MYH11: variants seen among roughly 807,000 people sequenced by gnomAD.
The protein encoded by MYH11 is myosin-11.
Under a neutral mutation model 246.6 loss-of-function variants are expected in MYH11, and 80 were observed. That is an observed-to-expected ratio of 0.32 (90% CI 0.27 to 0.39). The LOEUF (loss-of-function observed/expected upper bound fraction) is 0.39, where lower values mean the gene tolerates loss of function less well. Among genes scored for constraint, MYH11 ranks in the 10% least tolerant of loss-of-function variants. The probability of loss-of-function intolerance (pLI) is 1.00; values close to 1 mark genes in which losing one functional copy is unlikely to be tolerated. For synonymous variants in MYH11, 1,071 were observed against 1,015.5 expected (o/e 1.05, Z -1.04); for missense variants, 2,158 against 2,546.8 (o/e 0.85, Z 3.29).
At position 15,737,594 on chromosome 16, in the gene MYH11, G is replaced by A. The variant is rs1270195304; in HGVS notation, c.3148C>T (p.Arg1050Ter). Residue 1050 changes from arginine to a stop codon, truncating the protein, a stop_gained, in exon 25 of 41, where the codon CGA (arginine) becomes TGA (stop). Coordinates refer to ENST00000300036, the MANE Select transcript of MYH11 (RefSeq NM_002474.3). LOFTEE classifies it high-confidence loss of function. ...EVRLKKEEKS[R>*]QELEKLKRKL... ...CGTTTCAGCTTCTCCAGCTCCTGTCGGCTCTTCTCTTCCTTCTTTAGCCGC... is the reference window on the plus strand; with the variant it reads ...CGTTTCAGCTTCTCCAGCTCCTGTCAGCTCTTCTCTTCCTTCTTTAGCCGC... 3.7e-6 allele frequency: 6 copies of A among 1,613,358 alleles called. No homozygotes were observed. Among genetic ancestry groups the A allele is most frequent in the South Asian group, 2.2e-5 (2 of 91,078 alleles).
intron 3 of MYH11, among the ~76,000 whole-genome samples, chr16:15,817,417 A>T (rs530202558): frequency 2.4e-4 from 37 of 152,206 alleles, no homozygotes; most frequent in African/African-American, 7.0e-4. Flanking sequence ...GCTTGAACCC[A>T]GGAGACAGAG....
chr16:15,709,989 C>G lies in MYH11; in HGVS notation c.5786+4920G>C, dbSNP rs567007666. ...ACTTGGTGAAACTCGCACTACAGTT[C>G]CTTCTTGGCTGAGGAGCCAGGCATG... is the stretch of plus-strand genomic sequence containing the variant. On this transcript the variant is annotated intron_variant, in intron 40 of 40. Coordinates refer to ENST00000300036, the MANE Select transcript of MYH11 (RefSeq NM_002474.3). 2.6e-5 allele frequency among the ~76,000 whole-genome samples: 4 copies of G among 152,280 alleles called. No homozygotes were observed. The East Asian group carries it at 7.7e-4, about 29-fold the overall frequency.
intron 10 of MYH11, 112 bp downstream of exon 10, chr16:15,763,684 G>A (rs2041916704): frequency 3.3e-6 from 3 of 915,176 alleles, no homozygotes; most frequent in Non-Finnish European, 5.5e-6. Context: ...TAGTCCAACT[G>A]TTGTTAAAAT....
chr16:15,837,513 G>T (rs12923604), intron 2 of MYH11, among the ~76,000 whole-genome samples: 6,213 of 149,142 alleles, frequency 0.042, 148 homozygotes, highest in African/African-American at 0.062. Flanking sequence ...AATCTCCCTC[G>T]ATCAAACCTT....
chr16:15,739,340 AT>A (rs760206027), intron 23 of MYH11, among the ~76,000 whole-genome samples: 46 of 152,236 alleles, frequency 3.0e-4, no homozygotes, highest in Admixed American at 1.3e-3. Context: ...ACCTCAGGTA[AT>A]CCACTTGCCT....
At chr16:15,811,665 CA>C (rs1372471399) in intron 3 of MYH11, among the ~76,000 whole-genome samples, 1 of 151,940 alleles carries the variant, frequency 6.6e-6, no homozygotes, top group African/African-American at 2.4e-5. Flanking sequence ...GAACCATCCC[CA>C]GGGGGCTGCC....
In MYH11 at chr16:15,741,749, C is replaced by T. The variant is rs1362165800; in HGVS notation, c.2652+11G>A. 1.2e-6 allele frequency: 2 copies of T among 1,614,164 alleles called. No individual in the cohort carries two copies. Among genetic ancestry groups the T allele is most frequent in the Non-Finnish European group, 1.7e-6 (2 of 1,180,042 alleles). ...TCCCCAGCAACCCCAGCCATGCATC[C>T]ATACAGGTACCTGCGAGTGCTTCTG... On this transcript the variant is annotated intron_variant, in intron 21 of 40. Coordinates refer to ENST00000300036, the MANE Select transcript of MYH11 (RefSeq NM_002474.3).
chr16:15,718,575 C>T (rs2040296436), intron 36 of MYH11, 137 bp from the exon 37 acceptor site: 1 of 1,312,014 alleles, frequency 7.6e-7, no homozygotes, highest in Admixed American at 2.4e-5. Flanking sequence ...GATTAGAAGA[C>T]TCATCTGTAG....
intron 16 of MYH11, chr16:15,749,841 A>C (rs1245451559): frequency 1.9e-6 from 1 of 519,488 alleles, no homozygotes; most frequent in Non-Finnish European, 3.4e-6. Context: ...TTTTTCTAAC[A>C]CTGCTCCCCA....
chr16:15,718,608 G>T, intron 36 of MYH11, 170 bp from the exon 37 acceptor site: 1 of 1,053,900 alleles, frequency 9.5e-7, no homozygotes, highest in Non-Finnish European at 1.3e-6. Context: ...GAAGTGGACA[G>T]CCGGGACTCA....
intron 35 of MYH11, 124 bp from the exon 36 acceptor site, chr16:15,719,432 G>C: frequency 6.8e-7 from 1 of 1,467,868 alleles, no homozygotes; most frequent in Non-Finnish European, 9.4e-7. Flanking sequence ...GGGAGGCCCC[G>C]TGAATACATA....
chr16:15,751,291 C>A (rs2041563685), intron 15 of MYH11, among the ~76,000 whole-genome samples: 1 of 152,044 alleles, frequency 6.6e-6, no homozygotes, highest in Admixed American at 6.6e-5. Flanking sequence ...CTCCCAGTAG[C>A]TGGGATTACA....
At position 15,751,461 on chromosome 16, in the gene MYH11, C is replaced by CCATCAT. The variant is rs377609666; in HGVS notation, c.1865-1136_1865-1131dup. On this transcript the variant is annotated intron_variant, in intron 15 of 40. Coordinates refer to ENST00000300036, the MANE Select transcript of MYH11 (RefSeq NM_002474.3). ...TACAGGCGTGAGCTACCGCGCCCGG[C>CCATCAT]CATCATCATCATCATCATCATCATC... Among the ~76,000 whole-genome samples the CCATCAT allele has an allele frequency of 2.1e-3, 321 of 150,330 alleles. 1 individual carries two copies. Among genetic ancestry groups the CCATCAT allele is most frequent in the African/African-American group, 6.0e-3 (245 of 40,940 alleles).
At chr16:15,856,382 G>GT in intron 1 of MYH11, among the ~76,000 whole-genome samples, 1 of 150,972 alleles carries the variant, frequency 6.6e-6, no homozygotes, top group African/African-American at 2.4e-5. Flanking sequence ...ATGCCCATGT[G>GT]TTTTTAACTG....
At chr16:15,760,948 AG>A (rs1262929535) in intron 10 of MYH11, among the ~76,000 whole-genome samples, 3 of 152,150 alleles carry the variant, frequency 2.0e-5, no homozygotes, top group Non-Finnish European at 4.4e-5. Context: ...CACACTTCCA[AG>A]TCATGTGACT....
chr16:15,758,867 G>C (rs1308265364), intron 12 of MYH11, among the ~76,000 whole-genome samples: 1 of 151,004 alleles, frequency 6.6e-6, no homozygotes, highest in Non-Finnish European at 1.5e-5. Flanking sequence ...AGGAGGCTGA[G>C]ACAAGAGAAT....
In MYH11 at chr16:15,838,257, C is replaced by A. The variant is rs367591238; in HGVS notation, c.-5G>T. 6.2e-7 allele frequency: 1 copy of A among 1,613,800 alleles called. No homozygotes were observed. The highest frequency in any genetic ancestry group is 8.5e-7 in the Non-Finnish European group (1 of 1,179,862). On this transcript the variant is annotated 5_prime_UTR_variant, in exon 2 of 41. Coordinates refer to ENST00000300036, the MANE Select transcript of MYH11 (RefSeq NM_002474.3). ...GAGTTGGCCCTTCTGCGCCATGGTG[C>A]CTTGTTGGTCCCCTGTGGAATAAGG...
chr16:15,778,905 G>A, intron 6 of MYH11, 62 bp from the exon 7 acceptor site: 1 of 1,518,830 alleles, frequency 6.6e-7, no homozygotes, highest in Non-Finnish European at 9.1e-7. Context: ...ACCCCATGCT[G>A]TGGGCAAGCA....
chr16:15,712,979 G>A (rs1037467583), intron 40 of MYH11: 2 of 149,110 alleles, frequency 1.3e-5, no homozygotes, highest in South Asian at 4.2e-4. Flanking sequence ...TCAGCCTCCT[G>A]AGTAGCTGGA....
Sources: gnomAD v4.1 joint callset for allele counts (sites outside exome capture counted in the v4.1 genomes callset) on GRCh38, gnomAD v4.1.1 for gene constraint, MANE v1.5 for transcripts, NCBI Gene and HGNC (gene_info 2026-07-23, HGNC 2026-07-21) for gene names.